The following AXIN1 variants were observed in gnomAD, a reference collection of about 807,000 sequenced individuals.
The protein encoded by AXIN1 is axin-1.
In AXIN1, 30 loss-of-function variants were observed where a neutral mutation model predicts 76.4. The ratio of observed to expected loss-of-function variants is 0.39; its 90% CI spans 0.29 to 0.53. The LOEUF (loss-of-function observed/expected upper bound fraction) is 0.53. AXIN1 is among the 20% of genes least tolerant of loss of function. The probability of loss-of-function intolerance (pLI) is 0.66; values close to 1 mark genes in which losing one functional copy is unlikely to be tolerated. For missense variants in AXIN1, 1,140 were observed against 1,198.8 expected (o/e 0.95, Z 0.72); for synonymous variants, 545 against 501.4 (o/e 1.09, Z -1.16).
At position 344,971 on chromosome 16, in the gene AXIN1, G is replaced by A. The variant is rs552263647; in HGVS notation, c.878+1177C>T. On this transcript the variant is annotated intron_variant, in intron 2 of 10. Coordinates refer to ENST00000262320, the MANE Select transcript of AXIN1 (RefSeq NM_003502.4). ...GGCTGTGCTTTCGGAGTCTTGATTA[G>A]GTCAGCAGGGGTCACATGAATTCCA... 3.3e-5 allele frequency among the ~76,000 whole-genome samples: 5 copies of A among 152,280 alleles called. No individual in the cohort carries two copies. The South Asian group carries it at 1.0e-3, about 32-fold the overall frequency.
intron 2 of AXIN1, among the ~76,000 whole-genome samples, chr16:325,896 C>T (rs529830489): frequency 1.3e-5 from 2 of 152,284 alleles, no homozygotes; most frequent in South Asian, 2.1e-4. Context: ...GACAAAGGCA[C>T]AGCACACAAA....
At chr16:345,899 A>G (rs1349427883) in intron 2 of AXIN1, among the ~76,000 whole-genome samples, 1 of 152,220 alleles carries the variant, frequency 6.6e-6, no homozygotes, top group Non-Finnish European at 1.5e-5. Flanking sequence ...AAGAATTCCG[A>G]TGTTCCTAAT....
At position 298,417 on chromosome 16, in the gene AXIN1, C is replaced by T. The variant is rs149191018; in HGVS notation, c.1255-166G>A. Among the ~76,000 whole-genome samples, 519 of 152,348 alleles carry T rather than the reference C, an allele frequency of 3.4e-3. 6 individuals are homozygous for T. The highest frequency in any genetic ancestry group is 7.9e-3 in the African/African-American group (329 of 41,580). On this transcript the variant is annotated intron_variant, in intron 5 of 10. Transcript: ENST00000262320. ...TGTCCCTGAGGATGGAGAGGCAGGACGGGGCATAGACAGAAGGAGCGGAGA... is the reference window on the plus strand; with the variant it reads ...TGTCCCTGAGGATGGAGAGGCAGGATGGGGCATAGACAGAAGGAGCGGAGA...
intron 2 of AXIN1, among the ~76,000 whole-genome samples, chr16:322,038 CCCAATT>C: frequency 6.6e-6 from 1 of 152,344 alleles, no homozygotes; most frequent in African/African-American, 2.4e-5. Flanking sequence ...CCAATGAAAG[CCCAATT>C]CCAAGTGAGC....
rs530484211 is a variant in AXIN1 at position 340,121 on chromosome 16, C to T, written c.878+6027G>A. Among the ~76,000 whole-genome samples, 3 of 152,154 alleles carry T rather than the reference C, an allele frequency of 2.0e-5. No individual in the cohort carries two copies. In the South Asian group the frequency reaches 6.2e-4, roughly 32 times the overall value. On this transcript the variant is annotated intron_variant, in intron 2 of 10. Transcript: ENST00000262320. ...GAAACACAGTCAATAAACTAATGAG[C>T]AGGTCCGACGGTTCCTCACGCACCC...
At position 293,703 on chromosome 16, in the gene AXIN1, C is replaced by G; in HGVS notation, c.1971G>C (p.Arg657Ser). 1 of 1,613,568 alleles carries G rather than the reference C, an allele frequency of 6.2e-7. No individual in the cohort carries two copies. The highest frequency in any genetic ancestry group is 1.1e-5 in the South Asian group (1 of 91,080). Residue 657 changes from arginine to serine, a missense_variant, in exon 8 of 11, where the codon AGG becomes AGC. By Grantham distance (110) the Arg-to-Ser change is moderately radical. This residue lies in a region of AXIN1 where 429 missense variants were observed against 405.8 expected (regional missense o/e 1.06). Transcript: ENST00000262320. This position sits in a 1 kb window ranked among gnomAD's most constrained non-coding sequence, Gnocchi z 4.6. ...RRTGHGSSGT[R>S]KPQPHENSRP... ...TGGAGTTCTCATGGGGCTGTGGCTTCCTCGTCCCCGAAGACCTTGGGGAAC... is the reference window on the plus strand; with the variant it reads ...TGGAGTTCTCATGGGGCTGTGGCTTGCTCGTCCCCGAAGACCTTGGGGAAC...
intron 9 of AXIN1, chr16:289,957 C>A (rs1228854321): frequency 2.3e-6 from 1 of 426,924 alleles, no homozygotes; most frequent in Non-Finnish European, 4.4e-6. Flanking sequence ...GGCCCCCAAA[C>A]CTTAAAAACA....
intron 2 of AXIN1, among the ~76,000 whole-genome samples, chr16:315,971 T>C (rs1201592606): frequency 6.6e-6 from 1 of 152,090 alleles, no homozygotes; most frequent in African/African-American, 2.4e-5. Flanking sequence ...GAGAATCGCT[T>C]GAACCCGGGA....
At chr16:331,403 G>A (rs1019636129) in intron 2 of AXIN1, among the ~76,000 whole-genome samples, 1 of 152,184 alleles carries the variant, frequency 6.6e-6, no homozygotes, top group Non-Finnish European at 1.5e-5. Context: ...ACACTCCAAA[G>A]CAGCTGTGTC....
intron 1 of AXIN1, among the ~76,000 whole-genome samples, chr16:347,523 C>T (rs2054056384): frequency 6.6e-6 from 1 of 152,170 alleles, no homozygotes; most frequent in Admixed American, 6.5e-5. Context: ...TGGACCCTCA[C>T]AAGTAAGATG....
At chr16:340,475 C>G (rs2053894745) in intron 2 of AXIN1, among the ~76,000 whole-genome samples, 1 of 152,244 alleles carries the variant, frequency 6.6e-6, no homozygotes, top group Admixed American at 6.5e-5. Context: ...CAAGGCCAGC[C>G]CTGAAGGCCA....
chr16:289,751 C>T (rs2052501215), intron 9 of AXIN1, 144 bp from the exon 10 acceptor site: 2 of 983,954 alleles, frequency 2.0e-6, no homozygotes, highest in East Asian at 5.2e-5. Flanking sequence ...GGGCCCGCAG[C>T]CCCCGCACAG....
intron 2 of AXIN1, among the ~76,000 whole-genome samples, chr16:333,906 T>C (rs930981239): frequency 2.8e-5 from 4 of 142,192 alleles, no homozygotes; most frequent in South Asian, 2.3e-4. Flanking sequence ...CCAGGTACCA[T>C]AGCATGCCCA....
rs141483821 is a variant in AXIN1 at position 303,232 on chromosome 16, C to T, written c.1254+1072G>A. ...CCAGAGAAACTCCAGCCGGCCTGCG[C>T]ACTGGGAGGAGCGCACACTGGGGTG... On this transcript the variant is annotated intron_variant, in intron 5 of 10. Transcript: ENST00000262320. Among the ~76,000 whole-genome samples, 3 of 152,290 alleles carry T rather than the reference C, an allele frequency of 2.0e-5. No homozygotes were observed. The East Asian group carries it at 5.8e-4, about 29-fold the overall frequency.
At chr16:331,706 C>T (rs2053693781) in intron 2 of AXIN1, among the ~76,000 whole-genome samples, 1 of 152,156 alleles carries the variant, frequency 6.6e-6, no homozygotes, top group South Asian at 2.1e-4. Context: ...CATGGAAATG[C>T]TTTATCTTTG....
At chr16:328,896 T>C (rs1179465962) in intron 2 of AXIN1, among the ~76,000 whole-genome samples, 1 of 151,944 alleles carries the variant, frequency 6.6e-6, no homozygotes, top group Non-Finnish European at 1.5e-5. Context: ...CCAGGAGAGA[T>C]GGCGGGCAGG....
chr16:302,351 G>C (rs936143131), intron 5 of AXIN1, among the ~76,000 whole-genome samples: 2 of 152,256 alleles, frequency 1.3e-5, no homozygotes, highest in Admixed American at 6.5e-5. Flanking sequence ...GTCACCCTCA[G>C]ACCAACGGCC....
At chr16:316,729 T>C (rs1051463108) in intron 2 of AXIN1, among the ~76,000 whole-genome samples, 2 of 152,228 alleles carry the variant, frequency 1.3e-5, no homozygotes, top group Non-Finnish European at 2.9e-5. Flanking sequence ...AGGGGGTTTA[T>C]CACAGTGCAC....
intron 9 of AXIN1, chr16:290,312 G>A (rs1323554098): frequency 1.3e-5 from 2 of 156,992 alleles, no homozygotes; most frequent in African/African-American, 4.8e-5. Context: ...GGCTTCCAGA[G>A]CCAACACCAG....
Sources: gnomAD v4.1 joint callset for allele counts (sites outside exome capture counted in the v4.1 genomes callset) on GRCh38, gnomAD v4.1.1 for gene constraint, gnomAD v4.1.1 regional missense constraint, Gnocchi (gnomAD v3.1) non-coding constraint, MANE v1.5 for transcripts, NCBI Gene and HGNC (gene_info 2026-07-23, HGNC 2026-07-21) for gene names.